KLF12: variants seen among roughly 807,000 people sequenced by gnomAD.
KLF12 encodes the protein Krueppel-like factor 12.
KLF12 carries 9 observed loss-of-function variants against 37.8 expected under a neutral mutation model. The ratio of observed to expected loss-of-function variants is 0.24; its 90% CI spans 0.14 to 0.42. The LOEUF is 0.42. Among genes scored for constraint, KLF12 ranks in the 10% least tolerant of loss-of-function variants. The pLI is 1.00. For synonymous variants in KLF12, 208 were observed against 202.1 expected (o/e 1.03, Z -0.25); for missense variants, 411 against 516.0 (o/e 0.80, Z 1.97).
intron 2 of KLF12, among the ~76,000 whole-genome samples, chr13:73,965,108 G>A (rs79739016): frequency 0.036 from 5,481 of 152,030 alleles, 136 homozygotes; most frequent in Middle Eastern, 0.085. Context: ...GGATCAGTGT[G>A]ACTCCAGATA....
rs79319689 is a variant in KLF12, at chr13:73,945,088, T to C, written c.34-1018A>G. Among the ~76,000 whole-genome samples, 1,056 of 152,328 alleles carry C rather than the reference T, an allele frequency of 6.9e-3. 14 individuals carry two copies. Among genetic ancestry groups the C allele is most frequent in the African/African-American group, 0.024 (1,016 of 41,564 alleles). ...AAAATCAGTTTCTAAATATTTTGCC[T>C]ACCTGGTGAAAAAGATAAGTATAAT... On this transcript the variant is annotated intron_variant, in intron 2 of 7. Transcript: ENST00000377669.
chr13:73,809,464 C>T (rs993912047), intron 5 of KLF12, among the ~76,000 whole-genome samples: 2 of 103,140 alleles, frequency 1.9e-5, no homozygotes, highest in East Asian at 9.1e-4. Context: ...GAGAAGTTCG[C>T]AATTGTGCAC....
intron 5 of KLF12, among the ~76,000 whole-genome samples, chr13:73,765,693 T>C (rs1231142076): frequency 2.6e-5 from 4 of 152,286 alleles, no homozygotes; most frequent in East Asian, 1.9e-4. Context: ...ACTGCTGTTA[T>C]CTTCTAATCA....
chr13:74,072,339 A>G (rs117694856), intron 1 of KLF12, among the ~76,000 whole-genome samples: 2,331 of 136,558 alleles, frequency 0.017, 30 homozygotes, highest in Middle Eastern at 0.041. Context: ...TATTTCCAAG[A>G]TCTTTTTAAG....
At chr13:73,975,268 A>T (rs2138137790) in intron 2 of KLF12, among the ~76,000 whole-genome samples, 1 of 152,358 alleles carries the variant, frequency 6.6e-6, no homozygotes, top group East Asian at 1.9e-4. Context: ...ATAATTACAA[A>T]TAAAATCCAG....
At chr13:73,797,728 C>T (rs1882059443) in intron 5 of KLF12, among the ~76,000 whole-genome samples, 1 of 144,418 alleles carries the variant, frequency 6.9e-6, no homozygotes, top group African/African-American at 2.6e-5. Context: ...TATGATCATG[C>T]CACTGCACTC....
intron 6 of KLF12, among the ~76,000 whole-genome samples, chr13:73,731,925 G>A (rs940029879): frequency 1.3e-5 from 2 of 152,062 alleles, no homozygotes; most frequent in Non-Finnish European, 2.9e-5. Flanking sequence ...CCTAAGCTTT[G>A]GTTTCTTTTC....
the KLF12 span, among the ~76,000 whole-genome samples, chr13:74,206,605 C>G: frequency 2.6e-5 from 4 of 152,216 alleles, no homozygotes; most frequent in South Asian, 4.2e-4. Context: ...CAGGGATTTG[C>G]GCTGCATTGC....
chr13:73,951,618 C>T lies in KLF12; in HGVS notation c.34-7548G>A, dbSNP rs575167890. Among the ~76,000 whole-genome samples, 3 of 152,282 alleles carry T rather than the reference C, an allele frequency of 2.0e-5. No individual in the cohort carries two copies. The East Asian group carries it at 5.8e-4, about 29-fold the overall frequency. On this transcript the variant is annotated intron_variant, in intron 2 of 7. Transcript: ENST00000377669. ...AGTACCACGGCTGAGGTGGAAGCAG[C>T]AAGGCAAAGGCAAACTGATCCCATA...
intron 2 of KLF12, among the ~76,000 whole-genome samples, chr13:73,984,098 G>A (rs1202834733): frequency 6.6e-6 from 1 of 152,174 alleles, no homozygotes; most frequent in Admixed American, 6.5e-5. Flanking sequence ...ATCCTCGGGT[G>A]GGGAGGACAG....
At chr13:73,860,981 G>A (rs565003029) in intron 3 of KLF12, among the ~76,000 whole-genome samples, 1 of 152,208 alleles carries the variant, frequency 6.6e-6, no homozygotes, top group Non-Finnish European at 1.5e-5. Context: ...AAAATCAAAT[G>A]TATGAGTCAT....
intron 3 of KLF12, among the ~76,000 whole-genome samples, chr13:73,906,380 C>T (rs544169744): frequency 2.0e-5 from 3 of 152,200 alleles, no homozygotes; most frequent in South Asian, 4.2e-4. Flanking sequence ...CCTTTGTGTG[C>T]TGCCTTCTGG....
At chr13:74,255,529 G>A in the KLF12 span, among the ~76,000 whole-genome samples, 5 of 152,276 alleles carry the variant, frequency 3.3e-5, no homozygotes, top group South Asian at 1.0e-3. Context: ...GATGTAATGA[G>A]ACCTAAAATG....
the KLF12 span, among the ~76,000 whole-genome samples, chr13:74,221,510 T>A: frequency 6.6e-6 from 1 of 152,054 alleles, no homozygotes; most frequent in Non-Finnish European, 1.5e-5. Flanking sequence ...GTAGATCTAA[T>A]TTCCTTAATA....
rs184398906 is a variant in KLF12, at chr13:73,807,034, C to T, written c.806+6118G>A. 2.2e-3 allele frequency among the ~76,000 whole-genome samples: 338 copies of T among 152,214 alleles called. 1 individual carries two copies. The highest frequency in any genetic ancestry group is 7.5e-3 in the African/African-American group (312 of 41,546). ...CTAAATTAAGAATTATGGCCGGGCA[C>T]GGTGGCTCACACCTGTAAATCCCAA... On this transcript the variant is annotated intron_variant, in intron 5 of 7. Transcript: ENST00000377669.
At chr13:73,938,252 G>A (rs7325359) in intron 3 of KLF12, among the ~76,000 whole-genome samples, 5,406 of 152,164 alleles carry the variant, frequency 0.036, 105 homozygotes, top group East Asian at 0.072. Flanking sequence ...ACACTAGATC[G>A]TTAGTGTAAA....
chr13:73,969,893 T>C (rs1341768606), intron 2 of KLF12, among the ~76,000 whole-genome samples: 1 of 152,214 alleles, frequency 6.6e-6, no homozygotes, highest in African/African-American at 2.4e-5. Flanking sequence ...GTTAGATATA[T>C]ACAAACAAGC....
chr13:73,965,041 G>A (rs1891136672), intron 2 of KLF12, among the ~76,000 whole-genome samples: 1 of 152,112 alleles, frequency 6.6e-6, no homozygotes, highest in Non-Finnish European at 1.5e-5. Flanking sequence ...GGCCTTGGCA[G>A]GCAGTCCCAA....
At chr13:73,803,738 A>T (rs1285142593) in intron 5 of KLF12, among the ~76,000 whole-genome samples, 1 of 151,130 alleles carries the variant, frequency 6.6e-6, no homozygotes, top group South Asian at 2.1e-4. Context: ...AGGACATGTT[A>T]TCTGTCCTCT....
Sources: allele counts gnomAD v4.1 joint callset (sites outside exome capture counted in the v4.1 genomes callset), GRCh38; gene constraint gnomAD v4.1.1; transcripts MANE v1.5; gene names NCBI Gene and HGNC (gene_info 2026-07-23, HGNC 2026-07-21).